ANK3: variants seen among roughly 807,000 people sequenced by gnomAD.
ANK3 encodes ankyrin-3.
Under a neutral mutation model 370.9 loss-of-function variants are expected in ANK3, and 57 were observed. The ratio of observed to expected loss-of-function variants is 0.15; its 90% confidence interval spans 0.12 to 0.19. The LOEUF (loss-of-function observed/expected upper bound fraction) is 0.19. ANK3 is among the 10% of genes least tolerant of loss of function. ANK3 has a pLI of 1.00. For missense variants in ANK3, 4,439 were observed against 5,302.1 expected, an observed-to-expected ratio of 0.84 and a Z score of 5.06; for synonymous variants, 1,929 against 1,946.3, an observed-to-expected ratio of 0.99 and a Z score of 0.23.
chr10:60,625,493 C>T (rs374646279), intron 1 of ANK3, among the ~76,000 whole-genome samples: 50 of 152,230 alleles, frequency 3.3e-4, no homozygotes, highest in South Asian at 6.2e-4. Flanking sequence ...CCACAAATGA[C>T]GCAAAGAGCT....
At chr10:60,100,531 A>T (rs2091066121) in intron 28 of ANK3, among the ~76,000 whole-genome samples, 1 of 152,098 alleles carries the variant, frequency 6.6e-6, no homozygotes, top group Non-Finnish European at 1.5e-5. Context: ...AATTTAAAAA[A>T]TTTTCTGTTA....
rs575355506 is a variant in ANK3 at position 60,043,581 on chromosome 10, G to C, written c.13066-822C>G. On this transcript the variant is annotated intron_variant, in intron 42 of 43. Coordinates refer to ENST00000280772, the MANE Select transcript of ANK3 (RefSeq NM_020987.5). ...GAGGGGAACCCCCTCCTCAGACGAAGATGGAGGAATTCAGATTTCCCTGCA... is the reference window on the plus strand; with the variant it reads ...GAGGGGAACCCCCTCCTCAGACGAACATGGAGGAATTCAGATTTCCCTGCA... The C allele has an allele frequency of 1.8e-3, 1,749 of 985,446 alleles. 2 individuals are homozygous for C. The highest frequency in any genetic ancestry group is 2.0e-3 in the Non-Finnish European group (1,683 of 829,948). The allele number at this position is 985,446 out of a possible 1,614,324, so 61.0% of individuals were successfully genotyped here. A position where few individuals can be genotyped will look rare whatever the true frequency, so the allele number is the denominator to read the frequency against.
At chr10:60,583,518 G>GTTTTT (rs970464761) in intron 2 of ANK3, among the ~76,000 whole-genome samples, 1 of 105,766 alleles carries the variant, frequency 9.5e-6, no homozygotes, top group African/African-American at 3.4e-5. Context: ...TTTGTTTTTT[G>GTTTTT]TTTTTTGTTT....
chr10:60,070,716 C>T lies in ANK3; in HGVS notation c.10165G>A (p.Asp3389Asn), dbSNP rs763790019. The T allele has an allele frequency of 1.9e-6, 3 of 1,614,122 alleles. No homozygotes were observed. Among genetic ancestry groups the T allele is most frequent in the South Asian group, 1.1e-5 (1 of 91,062 alleles). Reference protein sequence around the residue: ...QNEIAQNGNNDQSITECSIAT... With the variant: ...QNEIAQNGNNNQSITECSIAT... ...ATGGAACACTCTGTGATGGACTGGT[C>T]GTTGTTCCCATTCTGGGCAATTTCA... The change falls in exon 37 of 44, where the codon GAC becomes AAC. Residue 3389 changes from aspartate (D) to asparagine (N), a missense_variant. By Grantham distance (23) the Asp-to-Asn change is conservative. Around this residue, in one of 13 missense-constraint regions of ANK3, gnomAD observed 1,601 missense variants for 1,731.7 expected, o/e 0.92. Transcript: ENST00000280772. The surrounding 1 kb of genome is among the most constrained non-coding windows in gnomAD (Gnocchi z 5.7).
intron 2 of ANK3, among the ~76,000 whole-genome samples, chr10:60,414,991 T>C (rs1335837696): frequency 6.6e-6 from 1 of 152,210 alleles, no homozygotes; most frequent in Non-Finnish European, 1.5e-5. Flanking sequence ...CGAGGTCCTC[T>C]GGAATTCCAG....
rs148840737 is a variant in ANK3, at chr10:60,038,322, A to G, written c.*19+4350T>C. Reference sequence around the variant, plus strand: ...TGGGGCATGAGAATTGCTTGAACCCAGGAGGCAGAGGTTGCAATGAGCCGA... The same window carrying G: ...TGGGGCATGAGAATTGCTTGAACCCGGGAGGCAGAGGTTGCAATGAGCCGA... On this transcript the variant is annotated intron_variant, in intron 43 of 43. Coordinates refer to ENST00000280772, the MANE Select transcript of ANK3 (RefSeq NM_020987.5). Among the ~76,000 whole-genome samples, 798 of 152,316 alleles carry G rather than the reference A, an allele frequency of 5.2e-3. 13 individuals are homozygous for G. The highest frequency in any genetic ancestry group is 0.019 in the African/African-American group (770 of 41,574).
At chr10:60,308,715 C>T (rs558710807) in intron 1 of ANK3, among the ~76,000 whole-genome samples, 2 of 152,104 alleles carry the variant, frequency 1.3e-5, no homozygotes, top group Non-Finnish European at 2.9e-5. Flanking sequence ...TCAGCCCCTA[C>T]CATCCAAAAC....
chr10:60,172,206 G>T, intron 21 of ANK3, 102 bp downstream of exon 21: 2 of 834,254 alleles, frequency 2.4e-6, no homozygotes, highest in Non-Finnish European at 2.0e-6. Flanking sequence ...AAAACATGGT[G>T]CTTAGTTTAT....
chr10:60,053,754 G>A (rs1187690568), intron 42 of ANK3: 3 of 1,303,264 alleles, frequency 2.3e-6, no homozygotes, highest in Non-Finnish European at 1.0e-6. Flanking sequence ...TAAAAAGGGG[G>A]CTGTTTTCTG....
At chr10:60,405,053 A>G (rs2063425493) in intron 2 of ANK3, among the ~76,000 whole-genome samples, 1 of 152,202 alleles carries the variant, frequency 6.6e-6, no homozygotes, top group South Asian at 2.1e-4. Context: ...TAAAACAACC[A>G]GAACTCTAAT....
chr10:60,694,946 G>C (rs1212415527), intron 1 of ANK3, among the ~76,000 whole-genome samples: 1 of 148,768 alleles, frequency 6.7e-6, no homozygotes, highest in Non-Finnish European at 1.5e-5. Context: ...AAAAGACACA[G>C]ACTGGCAAAT....
chr10:60,523,812 T>C (rs2076407040), intron 2 of ANK3, among the ~76,000 whole-genome samples: 1 of 152,074 alleles, frequency 6.6e-6, no homozygotes, highest in Non-Finnish European at 1.5e-5. Context: ...ACTGATAAAA[T>C]AAGAGCATGT....
chr10:60,712,454 C>A (rs2079722718), intron 1 of ANK3, among the ~76,000 whole-genome samples: 1 of 152,116 alleles, frequency 6.6e-6, no homozygotes, highest in South Asian at 2.1e-4. Flanking sequence ...GTTGTTAATG[C>A]AAGCCCTAGG....
intron 1 of ANK3, among the ~76,000 whole-genome samples, chr10:60,642,429 A>T (rs2133352315): frequency 6.6e-6 from 1 of 152,276 alleles, no homozygotes; most frequent in African/African-American, 2.4e-5. Flanking sequence ...TGGCACATAT[A>T]CACCATGGAA....
rs1379182096 is a variant in ANK3, at chr10:60,511,000, A to G, written c.96+104186T>C. ...TTTATAAGGAAAAAGTGATATATGC[A>G]TCTACAGAGTGAGAAAACATTTTTT... On this transcript the variant is annotated intron_variant, in intron 2 of 43. Coordinates refer to the ANK3 transcript ENST00000373827. 2.6e-5 allele frequency among the ~76,000 whole-genome samples: 4 copies of G among 152,232 alleles called. No individual in the cohort carries two copies. In the East Asian group the frequency reaches 7.7e-4, roughly 29 times the overall value.
intron 21 of ANK3, among the ~76,000 whole-genome samples, chr10:60,171,774 A>G (rs2095800203): frequency 6.6e-6 from 1 of 152,202 alleles, no homozygotes; most frequent in Admixed American, 6.5e-5. Flanking sequence ...AAAACAGCCT[A>G]TTGTGTTTCT....
At chr10:60,080,027 AAAG>A (rs1184231992) in intron 36 of ANK3, among the ~76,000 whole-genome samples, 3 of 152,132 alleles carry the variant, frequency 2.0e-5, no homozygotes, top group African/African-American at 7.2e-5. Flanking sequence ...GGGAGGGAGG[AAAG>A]AAGAACTCTG....
intron 1 of ANK3, among the ~76,000 whole-genome samples, chr10:60,712,564 A>C (rs1291593494): frequency 6.6e-6 from 1 of 152,232 alleles, no homozygotes; most frequent in Admixed American, 6.5e-5. Flanking sequence ...ACAGAGAATA[A>C]GGGCAGCAAA....
intron 1 of ANK3, among the ~76,000 whole-genome samples, chr10:60,306,060 TTTAA>T (rs1455358446): frequency 5.9e-5 from 9 of 152,100 alleles, no homozygotes; most frequent in Non-Finnish European, 1.2e-4. Flanking sequence ...CCCCTTCCTT[TTTAA>T]TTATTTCAAT....
Sources: gnomAD v4.1 joint callset for allele counts (sites outside exome capture counted in the v4.1 genomes callset) on GRCh38, gnomAD v4.1.1 for gene constraint, gnomAD v4.1.1 regional missense constraint, Gnocchi (gnomAD v3.1) non-coding constraint, MANE v1.5 for transcripts, NCBI Gene and HGNC (gene_info 2026-07-23, HGNC 2026-07-21) for gene names.